RBFOX1: variants seen among roughly 807,000 people sequenced by gnomAD.
The protein encoded by RBFOX1 is RNA binding protein fox-1 homolog 1.
RBFOX1 carries 8 observed loss-of-function variants against 57.7 expected under a neutral mutation model. That is an observed-to-expected ratio of 0.14 (90% CI 0.08 to 0.25). RBFOX1 has a LOEUF of 0.25. Among genes scored for constraint, RBFOX1 ranks in the 10% least tolerant of loss-of-function variants. The pLI is 1.00. For missense variants in RBFOX1, 611 were observed against 548.5 expected, an observed-to-expected ratio of 1.11 and a Z score of -1.14; for synonymous variants, 326 against 222.4, an observed-to-expected ratio of 1.47 and a Z score of -4.15.
chr16:6,080,297 T>G (rs1291775872), intron 1 of RBFOX1, among the ~76,000 whole-genome samples: 1 of 151,528 alleles, frequency 6.6e-6, no homozygotes, highest in Admixed American at 6.6e-5. Context: ...ATACCACCAT[T>G]TTCTGCTTCA....
intron 4 of RBFOX1, among the ~76,000 whole-genome samples, chr16:7,392,204 C>T: frequency 6.6e-6 from 1 of 152,186 alleles, no homozygotes; most frequent in Non-Finnish European, 1.5e-5. Flanking sequence ...TTTCAGACCT[C>T]TGCCTACATG....
chr16:6,491,407 A>G (rs12934679), intron 2 of RBFOX1, among the ~76,000 whole-genome samples: 35,923 of 152,028 alleles, frequency 0.24, 4,919 homozygotes, highest in Non-Finnish European at 0.31. Context: ...CACTCAGTGA[A>G]TTTCTGCCCA....
intron 1 of RBFOX1, among the ~76,000 whole-genome samples, chr16:5,461,127 G>T (rs1415173140): frequency 6.6e-6 from 1 of 152,146 alleles, no homozygotes; most frequent in African/African-American, 2.4e-5. Flanking sequence ...GACTGGAGAG[G>T]AAAACAGAAA....
chr16:7,183,951 A>C (rs1444563710), intron 4 of RBFOX1, among the ~76,000 whole-genome samples: 2 of 152,202 alleles, frequency 1.3e-5, no homozygotes, highest in Non-Finnish European at 2.9e-5. Flanking sequence ...CTAAAATTTC[A>C]GACTGCAATG....
intron 3 of RBFOX1, chr16:6,774,032 T>C (rs1328864240): frequency 2.0e-6 from 2 of 981,936 alleles, no homozygotes; most frequent in African/African-American, 3.5e-5. Context: ...AGTTTGCTTT[T>C]TCTACCTGTA....
At chr16:6,023,154 C>G (rs1399075993) in intron 1 of RBFOX1, among the ~76,000 whole-genome samples, 4 of 152,062 alleles carry the variant, frequency 2.6e-5, no homozygotes, top group Non-Finnish European at 2.9e-5. Context: ...TTACATCACC[C>G]TGAAGCTACA....
intron 3 of RBFOX1, among the ~76,000 whole-genome samples, chr16:6,833,159 T>C (rs1222114695): frequency 6.6e-6 from 1 of 151,730 alleles, no homozygotes; most frequent in African/African-American, 2.4e-5. Context: ...TTTTATTTTA[T>C]TTTATTTTTA....
intron 4 of RBFOX1, among the ~76,000 whole-genome samples, chr16:7,282,060 G>T (rs2095555732): frequency 6.6e-6 from 1 of 151,914 alleles, no homozygotes; most frequent in Non-Finnish European, 1.5e-5. Context: ...GTAGAGACAG[G>T]GTTTCTATTT....
intron 3 of RBFOX1, among the ~76,000 whole-genome samples, chr16:5,752,310 G>A (rs147421990): frequency 1.3e-5 from 2 of 152,240 alleles, no homozygotes; most frequent in Non-Finnish European, 2.9e-5. Flanking sequence ...GAGAGGATCA[G>A]GAAAAACAAC....
intron 4 of RBFOX1, among the ~76,000 whole-genome samples, chr16:7,403,286 T>C (rs1021971893): frequency 3.1e-4 from 47 of 152,242 alleles, no homozygotes; most frequent in African/African-American, 1.1e-3. Flanking sequence ...TACAATACAG[T>C]ATCATTAATT....
intron 1 of RBFOX1, among the ~76,000 whole-genome samples, chr16:6,152,322 C>G (rs945623502): frequency 1.3e-5 from 2 of 152,322 alleles, no homozygotes; most frequent in East Asian, 3.9e-4. Flanking sequence ...TTCTCCTGCT[C>G]TCTGTCTTTC....
chr16:5,884,226 A>G (rs2151922898), intron 4 of RBFOX1, among the ~76,000 whole-genome samples: 1 of 152,304 alleles, frequency 6.6e-6, no homozygotes, highest in East Asian at 1.9e-4. Flanking sequence ...TAACTCCCCC[A>G]TAGAGAACCT....
At chr16:7,267,007 A>G (rs1448203392) in intron 4 of RBFOX1, among the ~76,000 whole-genome samples, 2 of 152,094 alleles carry the variant, frequency 1.3e-5, no homozygotes, top group African/African-American at 4.8e-5. Context: ...AACAAAAACA[A>G]GGTTCAAAAG....
chr16:6,072,732 G>A (rs2095852061), intron 1 of RBFOX1, among the ~76,000 whole-genome samples: 1 of 151,792 alleles, frequency 6.6e-6, no homozygotes, highest in Non-Finnish European at 1.5e-5. Flanking sequence ...TGTATTATGG[G>A]CTTAAAATTT....
At chr16:7,418,487 G>A (rs990949957) in intron 4 of RBFOX1, among the ~76,000 whole-genome samples, 4 of 152,158 alleles carry the variant, frequency 2.6e-5, no homozygotes, top group Non-Finnish European at 4.4e-5. Context: ...TACGCATTCT[G>A]TGTCTCTGCC....
At chr16:6,251,400 G>A (rs964282409) in intron 1 of RBFOX1, among the ~76,000 whole-genome samples, 56 of 152,242 alleles carry the variant, frequency 3.7e-4, no homozygotes, top group African/African-American at 1.3e-3. Flanking sequence ...AAGTCACACA[G>A]TCAGTGTGTG....
intron 3 of RBFOX1, among the ~76,000 whole-genome samples, chr16:5,741,775 G>C (rs943500626): frequency 2.0e-5 from 3 of 152,272 alleles, no homozygotes; most frequent in East Asian, 3.9e-4. Context: ...GTGAAACTTT[G>C]AGTAGAAACT....
intron 4 of RBFOX1, among the ~76,000 whole-genome samples, chr16:7,123,736 A>G (rs191295130): frequency 6.6e-5 from 10 of 152,284 alleles, no homozygotes; most frequent in Admixed American, 4.6e-4. Flanking sequence ...GGACATATAT[A>G]TTTATATTGT....
At chr16:5,821,571 G>A (rs984185301) in intron 3 of RBFOX1, among the ~76,000 whole-genome samples, 9 of 152,116 alleles carry the variant, frequency 5.9e-5, no homozygotes, top group African/African-American at 2.2e-4. Flanking sequence ...CCAAAATGCT[G>A]GGATTATAGG....
Sources: gnomAD v4.1 joint callset for allele counts (sites outside exome capture counted in the v4.1 genomes callset) on GRCh38, gnomAD v4.1.1 for gene constraint, MANE v1.5 for transcripts, NCBI Gene and HGNC (gene_info 2026-07-23, HGNC 2026-07-21) for gene names.